Variants in GEMIN5 observed in about 807,000 individuals in gnomAD.
The protein encoded by GEMIN5 is gem nuclear organelle associated protein 5.
In GEMIN5, 124 loss-of-function variants were observed where a neutral mutation model predicts 176.9. The observed-to-expected ratio is 0.70, with a 90% confidence interval of 0.61 to 0.81. The LOEUF (loss-of-function observed/expected upper bound fraction) is 0.81. Among genes scored for constraint, GEMIN5 ranks in the 40% least tolerant of loss-of-function variants. The pLI, the probability that GEMIN5 is intolerant of heterozygous loss-of-function variation, is 0.00. For missense variants in GEMIN5, 1,843 were observed against 1,814.6 expected (o/e 1.02, Z -0.28); for synonymous variants, 673 against 665.2 (o/e 1.01, Z -0.18).
chr5:154,913,856 C>T (rs748226408), intron 13 of GEMIN5, among the ~76,000 whole-genome samples: 2 of 151,976 alleles, frequency 1.3e-5, no homozygotes, highest in Admixed American at 1.3e-4. Context: ...ACCAACCTAG[C>T]TGGGCATGGT....
chr5:154,900,432 T>C (rs529265838), intron 21 of GEMIN5, among the ~76,000 whole-genome samples: 82 of 152,278 alleles, frequency 5.4e-4, no homozygotes, highest in African/African-American at 1.9e-3. Context: ...GCCATAAAAC[T>C]AAAAAACTGG....
chr5:154,927,052 G>GAA lies in GEMIN5; in HGVS notation c.1080+331_1080+332dup, dbSNP rs60191789. Among the ~76,000 whole-genome samples, 326 of 146,338 alleles carry GAA rather than the reference G, an allele frequency of 2.2e-3. 2 individuals are homozygous for GAA. The highest frequency in any genetic ancestry group is 3.5e-3 in the Middle Eastern group (1 of 286). On this transcript the variant is annotated intron_variant, in intron 7 of 27. Coordinates refer to ENST00000285873, the MANE Select transcript of GEMIN5 (RefSeq NM_015465.5). Reference sequence around the variant, plus strand: ...GGAGACAGAGCAAGACTCTGTCTCAGAAAAAAAAAAAACACTAACACTAAC... The same window carrying GAA: ...GGAGACAGAGCAAGACTCTGTCTCAGAAAAAAAAAAAAAACACTAACACTAAC...
intron 24 of GEMIN5, among the ~76,000 whole-genome samples, chr5:154,893,409 A>G (rs1182323373): frequency 6.6e-6 from 1 of 151,752 alleles, no homozygotes; most frequent in African/African-American, 2.4e-5. Flanking sequence ...ACAGAGTGAG[A>G]CGCTGTCTCA....
Position 154,937,170 on chromosome 5 carries a change from AC to A in GEMIN5, c.181del (p.Val61TrpfsTer31). ...TPPFRVIGEL[V>X]GHTERVSGFT... ...GCCAGAGACCCTTTCGGTGTGTCCC[AC>A]CAACTCTCCTATGACTTTAAGCAAA... is the stretch of plus-strand genomic sequence containing the variant. On this transcript the variant is annotated frameshift_variant, in exon 2 of 28. Coordinates refer to ENST00000285873, the MANE Select transcript of GEMIN5 (RefSeq NM_015465.5). LOFTEE classifies it high-confidence loss of function. The A allele has an allele frequency of 6.2e-7, 1 of 1,610,686 alleles. No individual in the cohort carries two copies. Among genetic ancestry groups the A allele is most frequent in the Non-Finnish European group, 8.5e-7 (1 of 1,177,858 alleles).
At chr5:154,914,810 T>C (rs953249157) in intron 13 of GEMIN5, among the ~76,000 whole-genome samples, 1 of 152,198 alleles carries the variant, frequency 6.6e-6, no homozygotes. Flanking sequence ...TAAACTATTA[T>C]ATATTAAGTT....
intron 7 of GEMIN5, 41 bp from the exon 8 acceptor site, chr5:154,926,115 C>T: frequency 7.4e-7 from 1 of 1,346,852 alleles, no homozygotes; most frequent in South Asian, 1.2e-5. Flanking sequence ...TAAAAAAGAA[C>T]AGAGAAATAG....
At position 154,902,594 on chromosome 5, in the gene GEMIN5, C is replaced by G. The variant is rs1763488009; in HGVS notation, c.2811G>C (p.Gln937His). 6.2e-7 allele frequency: 1 copy of G among 1,613,956 alleles called. No homozygotes were observed. Residue 937 changes from glutamine (Q) to histidine (H), a missense_variant, in exon 20 of 28, where the codon CAG becomes CAC. Gln to His is a conservative substitution (Grantham distance 24). Coordinates refer to ENST00000285873, the MANE Select transcript of GEMIN5 (RefSeq NM_015465.5). ...TCAGCTCCCCTCTTTCTGCTGCAGT[C>G]TGGAGAACACCTTTGAGATCTCCTT... The part of the protein sequence containing the change: ...LWKGDLKGVL[Q>H]TAAERGELTD...
intron 26 of GEMIN5, 67 bp from the exon 27 acceptor site, chr5:154,889,484 A>G: frequency 3.6e-6 from 3 of 838,338 alleles, no homozygotes; most frequent in South Asian, 1.4e-5. Context: ...TCCCATTGTT[A>G]TTTTACTGTG....
chr5:154,897,802 T>C (rs1277627567), intron 23 of GEMIN5, among the ~76,000 whole-genome samples: 1 of 152,118 alleles, frequency 6.6e-6, no homozygotes, highest in Non-Finnish European at 1.5e-5. Flanking sequence ...TTCCATGATT[T>C]CTGTTAGAGG....
intron 11 of GEMIN5, 132 bp downstream of exon 11, chr5:154,919,835 A>T: frequency 1.4e-6 from 1 of 738,308 alleles, no homozygotes; most frequent in Non-Finnish European, 2.2e-6. Context: ...GCACAGCCTT[A>T]TAAGAACATT....
chr5:154,924,580 A>C (rs752609794), intron 8 of GEMIN5, 26 bp from the exon 9 acceptor site: 3 of 1,433,266 alleles, frequency 2.1e-6, no homozygotes, highest in Non-Finnish European at 2.9e-6. Flanking sequence ...TTTCCAAGTG[A>C]GAATATAAGA....
intron 13 of GEMIN5, among the ~76,000 whole-genome samples, chr5:154,913,973 C>G (rs2113486117): frequency 6.6e-6 from 1 of 152,258 alleles, no homozygotes; most frequent in South Asian, 2.1e-4. Context: ...TACACTCCAC[C>G]CTGAACAATA....
chr5:154,908,543 A>T (rs890374115), intron 15 of GEMIN5, among the ~76,000 whole-genome samples: 1 of 152,220 alleles, frequency 6.6e-6, no homozygotes, highest in South Asian at 2.1e-4. Flanking sequence ...TTTGGTTGCC[A>T]TGCCTTTCTG....
chr5:154,932,327 GTTA>G (rs1764186227), intron 3 of GEMIN5, 77 bp from the exon 4 acceptor site: 9 of 1,027,232 alleles, frequency 8.8e-6, no homozygotes, highest in Non-Finnish European at 1.3e-5. Flanking sequence ...TTGGCTTGGA[GTTA>G]CCATTGGCGC....
At chr5:154,889,675 CT>C (rs1289288516) in intron 26 of GEMIN5, among the ~76,000 whole-genome samples, 1 of 152,222 alleles carries the variant, frequency 6.6e-6, no homozygotes, top group Non-Finnish European at 1.5e-5. Context: ...TTCTGCTTCC[CT>C]TAGCCCCTGT....
chr5:154,901,296 A>G (rs777940320), intron 21 of GEMIN5, 43 bp downstream of exon 21: 4 of 1,560,430 alleles, frequency 2.6e-6, no homozygotes, highest in African/African-American at 2.7e-5. Context: ...GGTTATTTTC[A>G]CATTATGTCC....
At chr5:154,919,842 C>T (rs1763886073) in intron 11 of GEMIN5, 125 bp downstream of exon 11, 2 of 781,728 alleles carry the variant, frequency 2.6e-6, no homozygotes, top group Admixed American at 5.4e-5. Flanking sequence ...CTTATAAGAA[C>T]ATTTAAGAAA....
chr5:154,904,475 T>C (rs768256774), intron 18 of GEMIN5, 32 bp downstream of exon 18: 2 of 1,602,098 alleles, frequency 1.2e-6, no homozygotes, highest in Non-Finnish European at 1.7e-6. Context: ...CCCGGAAGAC[T>C]ATGGATGGGC....
chr5:154,932,443 T>G (rs74807599), intron 3 of GEMIN5, among the ~76,000 whole-genome samples, 193 bp from the exon 4 acceptor site: 260 of 152,268 alleles, frequency 1.7e-3, no homozygotes, highest in African/African-American at 5.7e-3. Flanking sequence ...TGCCTCCTGG[T>G]TTTGTTAAAA....
Sources: allele counts gnomAD v4.1 joint callset (sites outside exome capture counted in the v4.1 genomes callset), GRCh38; gene constraint gnomAD v4.1.1; transcripts MANE v1.5; gene names NCBI Gene and HGNC (gene_info 2026-07-23, HGNC 2026-07-21).